KSR1: variants seen among roughly 807,000 people sequenced by gnomAD.
KSR1 encodes kinase suppressor of ras 1, also known as kinase suppressor of ras.
Under a neutral mutation model 92.9 loss-of-function variants are expected in KSR1, and 35 were observed. That is an observed-to-expected ratio of 0.38 (90% CI 0.29 to 0.50). The LOEUF is 0.50. Ranked by LOEUF, KSR1 falls within the 20% of genes least tolerant of loss-of-function variation. KSR1 has a pLI of 0.94. For missense variants in KSR1, 972 were observed against 1,158.5 expected (o/e 0.84, Z 2.34); for synonymous variants, 467 against 472.6 (o/e 0.99, Z 0.15).
chr17:27,555,353 C>T (rs2071551193), intron 2 of KSR1, among the ~76,000 whole-genome samples: 1 of 152,178 alleles, frequency 6.6e-6, no homozygotes. Context: ...TCATTTATAT[C>T]AGTATAGGCT....
Position 27,610,177 on chromosome 17 carries a change from C to A in KSR1, c.2336C>A (p.Ala779Asp). The A allele has an allele frequency of 6.2e-7, 1 of 1,614,008 alleles. No individual in the cohort carries two copies. The highest frequency in any genetic ancestry group is 8.5e-7 in the Non-Finnish European group (1 of 1,179,852). ...GAGGATCAGCTGCCATTCTCCAAAG[C>A]TGCTGATGTCTATGCATTTGGGTGA... is the stretch of plus-strand genomic sequence containing the variant. ...KDEDQLPFSKAADVYAFGTVW... is the reference protein window; with the variant it reads ...KDEDQLPFSKDADVYAFGTVW... Residue 779 changes from alanine (A) to aspartate (D), a missense_variant, in exon 17 of 21, where the codon GCT (alanine) becomes GAT (aspartate). By Grantham distance (126) the Ala-to-Asp change is moderately radical. Around this residue, in one of 5 missense-constraint regions of KSR1, gnomAD observed 260 missense variants for 375.2 expected, o/e 0.69. Coordinates refer to ENST00000644974, the MANE Select transcript of KSR1 (RefSeq NM_001394583.1).
intron 19 of KSR1, chr17:27,617,637 C>G: frequency 1.9e-6 from 1 of 527,324 alleles, no homozygotes; most frequent in Non-Finnish European, 3.4e-6. Context: ...AAGCAATTCT[C>G]CTGCCTCAGC....
intron 9 of KSR1, among the ~76,000 whole-genome samples, chr17:27,595,621 C>T (rs565181383): frequency 1.0e-3 from 131 of 129,758 alleles, no homozygotes; most frequent in Admixed American, 1.8e-3. Context: ...CCCTGCCCCC[C>T]ACTTTCTCCC....
At chr17:27,505,031 A>C (rs1181480828) in intron 1 of KSR1, among the ~76,000 whole-genome samples, 1 of 152,156 alleles carries the variant, frequency 6.6e-6, no homozygotes, top group Non-Finnish European at 1.5e-5. Flanking sequence ...AGATGCCCTT[A>C]TGGGTCAGAA....
At position 27,605,506 on chromosome 17, in the gene KSR1, C is replaced by T. The variant is rs756344072; in HGVS notation, c.1687C>T (p.Arg563Cys). ...CGAGGTGGACGACTTGCCGAGCTCT[C>T]GCCGGCCCTGGCGGGGCCCCATCTC... ...EDEVDDLPSS[R>C]RPWRGPISRK... The change falls in exon 14 of 21, where the codon CGC becomes TGC. Residue 563 changes from arginine (R) to cysteine (C), a missense_variant. Arg to Cys is a radical substitution (Grantham distance 180). Coordinates refer to ENST00000644974, the MANE Select transcript of KSR1 (RefSeq NM_001394583.1). 4.6e-5 allele frequency: 74 copies of T among 1,603,034 alleles called. 1 individual carries two copies. The highest frequency in any genetic ancestry group is 9.0e-5 in the East Asian group (4 of 44,520).
chr17:27,473,049 G>A (rs1462667176), intron 1 of KSR1, among the ~76,000 whole-genome samples: 1 of 152,176 alleles, frequency 6.6e-6, no homozygotes, highest in East Asian at 1.9e-4. Flanking sequence ...GACCACAGGT[G>A]TATGCCACCA....
intron 1 of KSR1, among the ~76,000 whole-genome samples, chr17:27,494,034 A>T (rs1419318514): frequency 1.3e-5 from 2 of 152,084 alleles, no homozygotes; most frequent in Non-Finnish European, 2.9e-5. Context: ...AGCAGCTGTC[A>T]TCAATGTCCG....
intron 2 of KSR1, chr17:27,560,167 T>C: frequency 6.4e-6 from 2 of 311,550 alleles, no homozygotes; most frequent in South Asian, 2.6e-5. Context: ...ACACTATGGC[T>C]GTTTCAAGCG....
chr17:27,552,379 T>C (rs1183892894), intron 2 of KSR1, among the ~76,000 whole-genome samples: 1 of 152,228 alleles, frequency 6.6e-6, no homozygotes, highest in Non-Finnish European at 1.5e-5. Flanking sequence ...TAAATACCTA[T>C]TTATTTACTG....
chr17:27,479,385 C>T (rs980243385), intron 1 of KSR1, among the ~76,000 whole-genome samples: 2 of 152,242 alleles, frequency 1.3e-5, no homozygotes, highest in South Asian at 2.1e-4. Flanking sequence ...ACATAACCCA[C>T]ATCAATAAGG....
At chr17:27,605,373 G>A (rs2073713652) in intron 13 of KSR1, 61 bp from the exon 14 acceptor site, 1 of 1,543,054 alleles carries the variant, frequency 6.5e-7, no homozygotes, top group Admixed American at 2.2e-5. Flanking sequence ...CCAGGAGAAG[G>A]AAGAGACGTC....
At chr17:27,526,552 C>G in intron 1 of KSR1, 5 of 1,601,160 alleles carry the variant, frequency 3.1e-6, no homozygotes, top group Non-Finnish European at 3.4e-6. Flanking sequence ...TGGATTTTGG[C>G]CACAATGCAC....
chr17:27,514,532 C>T (rs529862915), intron 1 of KSR1, among the ~76,000 whole-genome samples: 11 of 152,134 alleles, frequency 7.2e-5, no homozygotes, highest in Non-Finnish European at 1.5e-4. Context: ...TGGTGGCGTA[C>T]GCCTGTAATC....
chr17:27,550,232 G>T (rs2071345562), intron 1 of KSR1, among the ~76,000 whole-genome samples: 1 of 152,220 alleles, frequency 6.6e-6, no homozygotes, highest in Non-Finnish European at 1.5e-5. Context: ...TAGAGACAGG[G>T]TTTTGCCATG....
intron 1 of KSR1, among the ~76,000 whole-genome samples, chr17:27,540,978 A>G (rs1027122693): frequency 6.6e-6 from 1 of 152,252 alleles, no homozygotes; most frequent in Admixed American, 6.5e-5. Flanking sequence ...TGGAAGATGT[A>G]AGGGGAGCTT....
intron 9 of KSR1, among the ~76,000 whole-genome samples, chr17:27,596,144 A>G (rs2140225): frequency 0.57 from 86,997 of 152,090 alleles, 25,014 homozygotes; most frequent in Admixed American, 0.67. Context: ...ACAGATAGAA[A>G]GTAATCATTA....
intron 10 of KSR1, among the ~76,000 whole-genome samples, chr17:27,600,228 A>G (rs1240929620): frequency 6.7e-6 from 1 of 150,014 alleles, no homozygotes; most frequent in Admixed American, 6.7e-5. Flanking sequence ...TGAGATCAGG[A>G]GTTCAAGACC....
chr17:27,499,078 G>C (rs927658011), intron 1 of KSR1, among the ~76,000 whole-genome samples: 2 of 152,174 alleles, frequency 1.3e-5, no homozygotes, highest in East Asian at 3.8e-4. Flanking sequence ...ACAGCTTCAG[G>C]ATATGCCAAG....
chr17:27,570,417 C>T (rs185763468), intron 2 of KSR1, among the ~76,000 whole-genome samples: 3 of 152,316 alleles, frequency 2.0e-5, no homozygotes, highest in East Asian at 3.9e-4. Flanking sequence ...GTGCCTGGCA[C>T]GCAGGACATG....
Sources: allele counts gnomAD v4.1 joint callset (sites outside exome capture counted in the v4.1 genomes callset), GRCh38; gene constraint gnomAD v4.1.1; regional missense constraint gnomAD v4.1.1; transcripts MANE v1.5; gene names NCBI Gene and HGNC (gene_info 2026-07-23, HGNC 2026-07-21).